The following SRPK2 variants were observed in gnomAD, a reference collection of about 807,000 sequenced individuals.
The protein encoded by SRPK2 is SFRS protein kinase 2.
A neutral mutation model predicts 90.8 loss-of-function variants in SRPK2; 21 were observed. That is an observed-to-expected ratio of 0.23 (90% CI 0.16 to 0.33). The LOEUF (loss-of-function observed/expected upper bound fraction) is 0.33, where lower values mean the gene tolerates loss of function less well. Ranked by LOEUF, SRPK2 falls within the 10% of genes least tolerant of loss-of-function variation. The pLI, the probability that SRPK2 is intolerant of heterozygous loss-of-function variation, is 1.00. For missense variants in SRPK2, 620 were observed against 869.0 expected, an observed-to-expected ratio of 0.71 and a Z score of 3.60; for synonymous variants, 288 against 311.1, an observed-to-expected ratio of 0.93 and a Z score of 0.78.
intron 15 of SRPK2, among the ~76,000 whole-genome samples, chr7:105,120,596 A>T (rs1800194378): frequency 6.6e-6 from 1 of 151,920 alleles, no homozygotes; most frequent in African/African-American, 2.4e-5. Context: ...AGTCCTAAAC[A>T]CCTATGGTCC....
chr7:105,188,833 C>T (rs1244844515), intron 3 of SRPK2, among the ~76,000 whole-genome samples: 1 of 152,142 alleles, frequency 6.6e-6, no homozygotes, highest in Admixed American at 6.5e-5. Context: ...TACCTTAGAT[C>T]CCAAATAAGA....
At chr7:105,273,134 G>A (rs1806047112) in intron 2 of SRPK2, among the ~76,000 whole-genome samples, 1 of 151,892 alleles carries the variant, frequency 6.6e-6, no homozygotes, top group South Asian at 2.1e-4. Context: ...AGAATGGCAT[G>A]AACCCGGGAG....
intron 2 of SRPK2, among the ~76,000 whole-genome samples, chr7:105,213,420 G>C (rs1329054986): frequency 1.3e-5 from 2 of 152,140 alleles, no homozygotes; most frequent in Admixed American, 1.3e-4. Flanking sequence ...CATGCAGCTG[G>C]AAGCCAAAGC....
chr7:105,129,823 T>G (rs532405649), intron 13 of SRPK2, among the ~76,000 whole-genome samples: 2 of 152,342 alleles, frequency 1.3e-5, no homozygotes, highest in South Asian at 4.1e-4. Flanking sequence ...CATTCTCCTA[T>G]GCTGAAGTAT....
At chr7:105,391,722 C>T (rs1342357308), upstream of SRPK2, among the ~76,000 whole-genome samples, 1 of 152,034 alleles carries the variant, frequency 6.6e-6, no homozygotes, top group Non-Finnish European at 1.5e-5. Context: ...GATTTTGGAA[C>T]CCTCATATGT....
chr7:105,320,544 A>C (rs558000924), intron 2 of SRPK2, among the ~76,000 whole-genome samples: 1 of 152,332 alleles, frequency 6.6e-6, no homozygotes, highest in South Asian at 2.1e-4. Flanking sequence ...AGGCAAACTA[A>C]ATACATCTTG....
chr7:105,306,807 C>T (rs929165893), intron 2 of SRPK2, among the ~76,000 whole-genome samples: 1 of 152,104 alleles, frequency 6.6e-6, no homozygotes, highest in African/African-American at 2.4e-5. Context: ...ATTACAAGAA[C>T]ATTTTTGTAG....
intron 11 of SRPK2, among the ~76,000 whole-genome samples, chr7:105,141,663 T>C (rs1803795224): frequency 6.6e-6 from 1 of 152,140 alleles, no homozygotes; most frequent in Non-Finnish European, 1.5e-5. Context: ...CTAAATATAA[T>C]GACATTAGAT....
At chr7:105,232,795 A>T (rs1349209549) in intron 2 of SRPK2, among the ~76,000 whole-genome samples, 1 of 152,082 alleles carries the variant, frequency 6.6e-6, no homozygotes. Flanking sequence ...CAGGTGGATT[A>T]CGAGGTCAAG....
chr7:105,262,862 T>G (rs1240564797), intron 2 of SRPK2, among the ~76,000 whole-genome samples: 1 of 152,142 alleles, frequency 6.6e-6, no homozygotes, highest in Non-Finnish European at 1.5e-5. Context: ...GAAAAAAATA[T>G]ATACAATACC....
intron 4 of SRPK2, among the ~76,000 whole-genome samples, 189 bp from the exon 5 acceptor site, chr7:105,168,284 TA>T (rs1251823581): frequency 6.6e-6 from 1 of 152,198 alleles, no homozygotes; most frequent in Non-Finnish European, 1.5e-5. Context: ...CAAAACTCAG[TA>T]AAAGATTTGC....
chr7:105,271,464 T>A (rs1232542184), intron 2 of SRPK2, among the ~76,000 whole-genome samples: 1 of 152,230 alleles, frequency 6.6e-6, no homozygotes, highest in East Asian at 1.9e-4. Flanking sequence ...GTTAACACTA[T>A]GATACTGTAT....
intron 2 of SRPK2, among the ~76,000 whole-genome samples, chr7:105,263,299 G>C (rs572892909): frequency 7.9e-5 from 12 of 151,810 alleles, no homozygotes; most frequent in Middle Eastern, 3.4e-3. Context: ...CTCCAGCCTG[G>C]GCAAAAGAGC....
chr7:105,331,901 A>G (rs1585745710), intron 2 of SRPK2, among the ~76,000 whole-genome samples: 1 of 152,248 alleles, frequency 6.6e-6, no homozygotes, highest in Admixed American at 6.5e-5. Flanking sequence ...GCTCAGGCCT[A>G]TAATCTCAGC....
chr7:105,295,854 G>A (rs755870162), intron 2 of SRPK2, among the ~76,000 whole-genome samples: 1 of 152,150 alleles, frequency 6.6e-6, no homozygotes, highest in Non-Finnish European at 1.5e-5. Context: ...ACAGGGTTCA[G>A]GTTCCACAAT....
chr7:105,226,016 TA>T (rs1798662976), intron 2 of SRPK2, among the ~76,000 whole-genome samples: 1 of 152,230 alleles, frequency 6.6e-6, no homozygotes. Flanking sequence ...GCTTAGAGTT[TA>T]AAAGCTGTAA....
At chr7:105,144,043 C>G (rs937120624) in intron 9 of SRPK2, 12 of 152,244 alleles carry the variant, frequency 7.9e-5, no homozygotes, top group African/African-American at 2.9e-4. Flanking sequence ...CATTCCAAAT[C>G]AAGAGCTGTC....
In SRPK2 at chr7:105,266,778, G is replaced by A. The variant is rs564724342; in HGVS notation, c.72-62993C>T. Among the ~76,000 whole-genome samples, 8 of 152,180 alleles carry A rather than the reference G, an allele frequency of 5.3e-5. No homozygotes were observed. The East Asian group carries it at 1.5e-3, about 29-fold the overall frequency. On this transcript the variant is annotated intron_variant, in intron 2 of 15. Transcript: ENST00000393651. ...TCCTGGACAGGATATAGTGTTACAAGCCATAAATTCTTTTTAAACTTCAGA... is the reference window on the plus strand; with the variant it reads ...TCCTGGACAGGATATAGTGTTACAAACCATAAATTCTTTTTAAACTTCAGA...
chr7:105,238,451 C>A (rs73715452), intron 2 of SRPK2, among the ~76,000 whole-genome samples: 5,930 of 152,248 alleles, frequency 0.039, 401 homozygotes, highest in African/African-American at 0.13. Context: ...TGGTGACTCT[C>A]CAAAGAAGTC....
Sources: gnomAD v4.1 joint callset for allele counts (sites outside exome capture counted in the v4.1 genomes callset) on GRCh38, gnomAD v4.1.1 for gene constraint, MANE v1.5 for transcripts, NCBI Gene and HGNC (gene_info 2026-07-23, HGNC 2026-07-21) for gene names.